DDC: variants seen among roughly 807,000 people sequenced by gnomAD.
DDC encodes the protein dopa decarboxylase, also known as aromatic-L-amino-acid decarboxylase.
DDC carries 43 observed loss-of-function variants against 60.0 expected under a neutral mutation model. That is an observed-to-expected ratio of 0.72 (90% CI 0.56 to 0.92). The LOEUF (loss-of-function observed/expected upper bound fraction) is 0.92. Among genes scored for constraint, DDC ranks in the 40% least tolerant of loss-of-function variants. The pLI is 0.00. For synonymous variants in DDC, 232 were observed against 234.6 expected, an observed-to-expected ratio of 0.99 and a Z score of 0.10; for missense variants, 573 against 620.2, an observed-to-expected ratio of 0.92 and a Z score of 0.81.
chr7:50,480,487 AC>A (rs2042743694), intron 9 of DDC, among the ~76,000 whole-genome samples: 1 of 151,884 alleles, frequency 6.6e-6, no homozygotes. Context: ...GGTTATGGGA[AC>A]CCCCCTGAGT....
At chr7:50,492,841 C>T in intron 9 of DDC, 2 of 1,541,716 alleles carry the variant, frequency 1.3e-6, no homozygotes, top group Non-Finnish European at 1.7e-6. Context: ...GAGATGAGCG[C>T]ACAGCCGCCA....
At chr7:50,549,169 T>A (rs1357335264) in intron 1 of DDC, among the ~76,000 whole-genome samples, 1 of 152,252 alleles carries the variant, frequency 6.6e-6, no homozygotes, top group Non-Finnish European at 1.5e-5. Context: ...AGGAAATTAA[T>A]GTTTTCATTC....
rs1562980814 is a variant in DDC, at chr7:50,467,332, G to GA, written c.1141-18dup. The stretch of plus-strand genomic sequence containing the variant: ...CTGGACATGCTTCAAAGAGGAAAGG[G>GA]AAAATCTGTTTTTCTCATGGCCATT... On this transcript the variant is annotated splice_polypyrimidine_tract_variant and intron_variant, in intron 12 of 14. Transcript: ENST00000444124. 20 of 1,608,198 alleles carry GA rather than the reference G, an allele frequency of 1.2e-5. No homozygotes were observed. Among genetic ancestry groups the GA allele is most frequent in the Non-Finnish European group, 1.7e-5 (20 of 1,174,632 alleles).
chr7:50,491,479 G>A (rs548454940), intron 9 of DDC, among the ~76,000 whole-genome samples: 14 of 152,216 alleles, frequency 9.2e-5, no homozygotes, highest in Non-Finnish European at 1.6e-4. Context: ...GACTAGAGAC[G>A]CATTTTCTTC....
intron 4 of DDC, among the ~76,000 whole-genome samples, chr7:50,533,899 G>T (rs1307059385): frequency 6.6e-6 from 1 of 152,196 alleles, no homozygotes; most frequent in Non-Finnish European, 1.5e-5. Context: ...GCAGACCCTG[G>T]CCGATGGAGG....
intron 7 of DDC, 57 bp downstream of exon 7, chr7:50,503,936 T>C: frequency 7.9e-7 from 1 of 1,262,878 alleles, no homozygotes; most frequent in Non-Finnish European, 1.2e-6. Flanking sequence ...GAAGGTTTGC[T>C]AAATTCCCCG....
chr7:50,508,111 CAA>C (rs1353424802), intron 6 of DDC, among the ~76,000 whole-genome samples: 1 of 152,214 alleles, frequency 6.6e-6, no homozygotes. Context: ...CCAACAAACC[CAA>C]GCACTTTGCT....
intron 12 of DDC, among the ~76,000 whole-genome samples, chr7:50,467,991 T>C (rs986672973): frequency 1.3e-5 from 2 of 152,234 alleles, no homozygotes; most frequent in Non-Finnish European, 2.9e-5. Context: ...CAAATAGTTA[T>C]AGAACTCAGA....
At chr7:50,462,933 C>A (rs2042315022) in intron 14 of DDC, among the ~76,000 whole-genome samples, 1 of 152,138 alleles carries the variant, frequency 6.6e-6, no homozygotes, top group African/African-American at 2.4e-5. Flanking sequence ...CCACGCCCAG[C>A]TAATTTTTGT....
chr7:50,559,060 G>C (rs1243379387), intron 1 of DDC, among the ~76,000 whole-genome samples: 1 of 152,204 alleles, frequency 6.6e-6, no homozygotes, highest in Non-Finnish European at 1.5e-5. Flanking sequence ...AAGAAATGTT[G>C]AATAGTTGCC....
chr7:50,503,061 T>C lies in DDC; in HGVS notation c.781+932A>G, dbSNP rs531286366. 2.6e-5 allele frequency among the ~76,000 whole-genome samples: 4 copies of C among 152,312 alleles called. No homozygotes were observed. In the South Asian group the frequency reaches 8.3e-4, roughly 32 times the overall value. Reference sequence around the variant, plus strand: ...AGAGGAGGGTCCACTCCTCTGAGTATGGACTATGGGTGACTCTTGGGTTAG... The same window carrying C: ...AGAGGAGGGTCCACTCCTCTGAGTACGGACTATGGGTGACTCTTGGGTTAG... On this transcript the variant is annotated intron_variant, in intron 7 of 14. Transcript: ENST00000444124.
At chr7:50,505,060 C>T (rs773296758) in intron 6 of DDC, among the ~76,000 whole-genome samples, 6 of 152,288 alleles carry the variant, frequency 3.9e-5, no homozygotes, top group Admixed American at 6.5e-5. Context: ...CCAGAAAATA[C>T]GGGCTGGGAG....
intron 6 of DDC, among the ~76,000 whole-genome samples, chr7:50,517,417 G>C (rs913309881): frequency 9.2e-5 from 14 of 152,046 alleles, no homozygotes; most frequent in African/African-American, 3.4e-4. Context: ...GGCATAAAGG[G>C]ACATACCTTA....
chr7:50,479,434 T>C (rs1249228383), intron 10 of DDC, among the ~76,000 whole-genome samples: 2 of 152,254 alleles, frequency 1.3e-5, no homozygotes. Context: ...AAAGCCTTTT[T>C]GTAGACATTA....
chr7:50,516,467 GA>G (rs201540203), intron 6 of DDC, among the ~76,000 whole-genome samples: 1,908 of 152,016 alleles, frequency 0.013, 37 homozygotes, highest in African/African-American at 0.044. Context: ...ACACCTCATT[GA>G]AAAGACTGAA....
intron 4 of DDC, 100 bp downstream of exon 4, chr7:50,537,760 G>A (rs1379842207): frequency 1.4e-6 from 2 of 1,442,726 alleles, no homozygotes; most frequent in Non-Finnish European, 2.0e-6. Flanking sequence ...GAAATTTGAG[G>A]AACTAACAAG....
Position 50,470,162 on chromosome 7 carries a change from T to C in DDC, c.1051A>G (p.Ile351Val). The C allele has an allele frequency of 6.2e-7, 1 of 1,609,402 alleles. No homozygotes were observed. The highest frequency in any genetic ancestry group is 8.5e-7 in the Non-Finnish European group (1 of 1,175,786). Reference protein sequence around the residue: ...GLITDYRHWQIPLGRRFRSLK... With the variant: ...GLITDYRHWQVPLGRRFRSLK... ...GAGCGAAATCTTCTGCCCAGTGGTATCTGCCAATGCTGAAATGAAACATGA... is the reference window on the plus strand; with the variant it reads ...GAGCGAAATCTTCTGCCCAGTGGTACCTGCCAATGCTGAAATGAAACATGA... Residue 351 changes from isoleucine (I) to valine (V), a missense_variant, in exon 12 of 15, where the codon ATA becomes GTA. Ile to Val is a conservative substitution (Grantham distance 29). Transcript: ENST00000444124.
At chr7:50,538,632 A>G (rs1057427084) in intron 3 of DDC, among the ~76,000 whole-genome samples, 1 of 152,212 alleles carries the variant, frequency 6.6e-6, no homozygotes, top group African/African-American at 2.4e-5. Flanking sequence ...GCCCAGCTCT[A>G]CCAGGAGCCT....
intron 1 of DDC, among the ~76,000 whole-genome samples, chr7:50,559,882 G>C (rs568660042): frequency 6.6e-6 from 1 of 152,170 alleles, no homozygotes; most frequent in Non-Finnish European, 1.5e-5. Context: ...GATCCCCCAG[G>C]CTATCTCTTT....
Sources: allele counts gnomAD v4.1 joint callset (sites outside exome capture counted in the v4.1 genomes callset), GRCh38; gene constraint gnomAD v4.1.1; transcripts MANE v1.5; gene names NCBI Gene and HGNC (gene_info 2026-07-23, HGNC 2026-07-21).